Variants in PCDH15 observed in about 807,000 individuals in gnomAD.
PCDH15 encodes the protein protocadherin related 15.
In PCDH15, 129 loss-of-function variants were observed where a neutral mutation model predicts 178.5. The ratio of observed to expected loss-of-function variants is 0.72; its 90% CI spans 0.63 to 0.84. The LOEUF (loss-of-function observed/expected upper bound fraction) is 0.84. Among genes scored for constraint, PCDH15 ranks in the 40% least tolerant of loss-of-function variants. The probability of loss-of-function intolerance (pLI) is 0.00; values close to 1 mark genes in which losing one functional copy is unlikely to be tolerated. For synonymous variants in PCDH15, 800 were observed against 732.0 expected, an observed-to-expected ratio of 1.09 and a Z score of -1.50; for missense variants, 2,230 against 2,099.9, an observed-to-expected ratio of 1.06 and a Z score of -1.21.
At chr10:55,304,688 T>C (rs1365618983) in intron 1 of PCDH15, among the ~76,000 whole-genome samples, 5 of 152,320 alleles carry the variant, frequency 3.3e-5, no homozygotes, top group Middle Eastern at 3.4e-3. Context: ...ATGTAGTTCT[T>C]ATCTGCACTG....
At chr10:55,022,228 G>A (rs777756736) in intron 2 of PCDH15, among the ~76,000 whole-genome samples, 17 of 151,888 alleles carry the variant, frequency 1.1e-4, no homozygotes, top group Non-Finnish European at 1.9e-4. Context: ...CAAGGCAGCC[G>A]GATCACTTGA....
chr10:54,330,878 T>C (rs545780425), intron 6 of PCDH15, among the ~76,000 whole-genome samples: 2 of 152,104 alleles, frequency 1.3e-5, no homozygotes, highest in African/African-American at 4.8e-5. Flanking sequence ...TGAAATTGTC[T>C]TGTGGTTGTT....
At chr10:55,596,157 C>A (rs542060663) in intron 2 of PCDH15, among the ~76,000 whole-genome samples, 20 of 152,036 alleles carry the variant, frequency 1.3e-4, no homozygotes, top group African/African-American at 4.6e-4. Flanking sequence ...GGTTATTACA[C>A]CACCATATAG....
intron 2 of PCDH15, among the ~76,000 whole-genome samples, chr10:54,554,529 T>C (rs1489002645): frequency 1.3e-5 from 2 of 152,094 alleles, no homozygotes. Flanking sequence ...AAACCAGAAG[T>C]ATTTAGGAAA....
chr10:55,547,845 ACT>A (rs143813289), intron 2 of PCDH15, among the ~76,000 whole-genome samples: 1 of 144,376 alleles, frequency 6.9e-6, no homozygotes, highest in African/African-American at 2.6e-5. Flanking sequence ...CCTTGATATC[ACT>A]CTGCAGTGAG....
chr10:54,981,760 T>C (rs1839236941), intron 2 of PCDH15, among the ~76,000 whole-genome samples: 1 of 152,016 alleles, frequency 6.6e-6, no homozygotes, highest in South Asian at 2.1e-4. Flanking sequence ...TTATTTTTCC[T>C]GGAACCCCCC....
intron 8 of PCDH15, among the ~76,000 whole-genome samples, chr10:54,301,642 G>T (rs11004208): frequency 0.21 from 32,516 of 152,056 alleles, 3,579 homozygotes; most frequent in Admixed American, 0.24. Flanking sequence ...ACTCTCTCCA[G>T]CCCCACTGAC....
intron 18 of PCDH15, among the ~76,000 whole-genome samples, chr10:54,045,136 T>C (rs2093630243): frequency 6.6e-6 from 1 of 152,080 alleles, no homozygotes; most frequent in Non-Finnish European, 1.5e-5. Flanking sequence ...GACCATTGTA[T>C]GGTACATTTT....
At chr10:55,576,123 C>T (rs1020576015) in intron 2 of PCDH15, among the ~76,000 whole-genome samples, 1 of 152,006 alleles carries the variant, frequency 6.6e-6, no homozygotes, top group Non-Finnish European at 1.5e-5. Context: ...TTTTGACTCC[C>T]CCGAAATTTA....
Position 54,959,533 on chromosome 10 carries a change from C to T in PCDH15, c.-79-62033G>A, listed in dbSNP as rs1838587885. 1.3e-5 allele frequency among the ~76,000 whole-genome samples: 2 copies of T among 151,976 alleles called. 1 individual carries two copies. Among genetic ancestry groups the T allele is most frequent in the Admixed American group, 1.3e-4 (2 of 15,264 alleles). On this transcript the variant is annotated intron_variant, in intron 2 of 5. Transcript: ENST00000458638. The stretch of plus-strand genomic sequence containing the variant: ...TGCTAAGATCCACAGAAAAACTTAT[C>T]TTTGAAATGAACACATTTTATGATC...
intron 8 of PCDH15, among the ~76,000 whole-genome samples, chr10:54,297,670 C>A (rs1405016740): frequency 1.3e-5 from 2 of 152,114 alleles, no homozygotes; most frequent in Non-Finnish European, 2.9e-5. Flanking sequence ...TTGGTTCTGT[C>A]CCCTTTAAGT....
chr10:54,448,475 G>A (rs1254915510), intron 3 of PCDH15, among the ~76,000 whole-genome samples: 1 of 151,498 alleles, frequency 6.6e-6, no homozygotes, highest in Non-Finnish European at 1.5e-5. Context: ...AATTGGGAGG[G>A]GGTATGTTTT....
At chr10:54,762,587 T>C (rs1201254192) in intron 1 of PCDH15, among the ~76,000 whole-genome samples, 1 of 152,138 alleles carries the variant, frequency 6.6e-6, no homozygotes, top group Non-Finnish European at 1.5e-5. Context: ...TTGTCTTGTT[T>C]GAAAAAATAC....
At chr10:54,436,932 G>A (rs1041122482) in intron 3 of PCDH15, among the ~76,000 whole-genome samples, 2 of 152,110 alleles carry the variant, frequency 1.3e-5, no homozygotes, top group African/African-American at 4.8e-5. Flanking sequence ...GTTTGCACTA[G>A]ACTTGGGTTG....
chr10:55,018,713 G>T (rs1591838465), intron 2 of PCDH15, among the ~76,000 whole-genome samples: 1 of 152,066 alleles, frequency 6.6e-6, no homozygotes, highest in Non-Finnish European at 1.5e-5. Context: ...TTTAGGTTTG[G>T]AAGTCAAGTG....
intron 2 of PCDH15, among the ~76,000 whole-genome samples, chr10:55,036,264 A>G (rs1283737236): frequency 6.6e-6 from 1 of 152,192 alleles, no homozygotes; most frequent in South Asian, 2.1e-4. Context: ...AAAAACATGA[A>G]TCAATAAATT....
chr10:53,926,166 A>G (rs1434946847), intron 25 of PCDH15, among the ~76,000 whole-genome samples: 2 of 152,100 alleles, frequency 1.3e-5, no homozygotes, highest in Non-Finnish European at 2.9e-5. Flanking sequence ...TCCTAGTTCT[A>G]GTTTGGGACT....
chr10:54,427,269 G>GTTTTTTTTTTT (rs71007854), intron 3 of PCDH15, among the ~76,000 whole-genome samples: 5 of 56,760 alleles, frequency 8.8e-5, no homozygotes, highest in African/African-American at 2.5e-4. Context: ...TCTTTTTCTG[G>GTTTTTTTTTTT]TTTTTTTTTT....
chr10:55,309,943 C>T (rs2132287480), intron 1 of PCDH15, among the ~76,000 whole-genome samples: 1 of 152,194 alleles, frequency 6.6e-6, no homozygotes, highest in Non-Finnish European at 1.5e-5. Flanking sequence ...TTTCTCTATG[C>T]CTATTCTACT....
Sources: allele counts gnomAD v4.1 joint callset (sites outside exome capture counted in the v4.1 genomes callset), GRCh38; gene constraint gnomAD v4.1.1; transcripts MANE v1.5; gene names NCBI Gene and HGNC (gene_info 2026-07-23, HGNC 2026-07-21).